Variants in ADAMTS9 observed in about 807,000 individuals in gnomAD.
ADAMTS9 encodes ADAM metallopeptidase with thrombospondin type 1 motif 9.
In ADAMTS9, 107 loss-of-function variants were observed where a neutral mutation model predicts 257.1. The ratio of observed to expected loss-of-function variants is 0.42; its 90% confidence interval spans 0.36 to 0.49. The LOEUF (loss-of-function observed/expected upper bound fraction) is 0.49. Ranked by LOEUF, ADAMTS9 falls within the 20% of genes least tolerant of loss-of-function variation. ADAMTS9 has a pLI of 0.03. For missense variants in ADAMTS9, 2,353 were observed against 2,469.1 expected, an observed-to-expected ratio of 0.95 and a Z score of 1.00; for synonymous variants, 982 against 880.9, an observed-to-expected ratio of 1.11 and a Z score of -2.03.
At position 64,546,927 on chromosome 3, in the gene ADAMTS9, T is replaced by C; in HGVS notation, c.4895A>G (p.Tyr1632Cys). ...GCTGCACGAGACAAGCCTTTGTTTG[T>C]AGCCTTTTCCACAGGTCACTGAGCA... ...SECSVTCGKG[Y>C]KQRLVSCSEI... The change falls in exon 32 of 40, where the codon TAC becomes TGC. Residue 1632 changes from tyrosine to cysteine, a missense_variant. Transcript: ENST00000498707. 6.2e-7 allele frequency: 1 copy of C among 1,611,776 alleles called. No homozygotes were observed. The highest frequency in any genetic ancestry group is 1.7e-4 in the Middle Eastern group (1 of 6,036).
chr3:64,647,420 C>G (rs1407457842), intron 11 of ADAMTS9, among the ~76,000 whole-genome samples: 1 of 152,130 alleles, frequency 6.6e-6, no homozygotes, highest in African/African-American at 2.4e-5. Flanking sequence ...CAATTATAAC[C>G]AGCTCACGAG....
chr3:64,542,568 C>G (rs1024265156), intron 32 of ADAMTS9, among the ~76,000 whole-genome samples: 1 of 151,958 alleles, frequency 6.6e-6, no homozygotes, highest in Non-Finnish European at 1.5e-5. Flanking sequence ...TCTGGGACTA[C>G]AGGCACGCAC....
intron 30 of ADAMTS9, among the ~76,000 whole-genome samples, chr3:64,557,847 G>A (rs76480720): frequency 0.024 from 3,715 of 152,264 alleles, 238 homozygotes; most frequent in East Asian, 0.21. Context: ...ATGAGATGTG[G>A]ATGTGTGGAT....
chr3:64,562,257 C>T (rs1426489603), intron 29 of ADAMTS9, among the ~76,000 whole-genome samples: 1 of 152,182 alleles, frequency 6.6e-6, no homozygotes, highest in Non-Finnish European at 1.5e-5. Context: ...TCTTCCTTTT[C>T]TTGCTCCTAT....
intron 28 of ADAMTS9, chr3:64,583,803 T>C (rs2084068852): frequency 6.6e-6 from 1 of 152,162 alleles, no homozygotes; most frequent in Non-Finnish European, 1.5e-5. Flanking sequence ...ATGGGAGTTG[T>C]AAAGGGCCTG....
At chr3:64,528,499 C>G (rs1238834297) in intron 38 of ADAMTS9, among the ~76,000 whole-genome samples, 1 of 152,104 alleles carries the variant, frequency 6.6e-6, no homozygotes, top group African/African-American at 2.4e-5. Flanking sequence ...TGAGCTGGTG[C>G]AGCTAAAACA....
At chr3:64,595,049 CAA>C (rs2084339163) in intron 27 of ADAMTS9, among the ~76,000 whole-genome samples, 1 of 151,160 alleles carries the variant, frequency 6.6e-6, no homozygotes, top group Non-Finnish European at 1.5e-5. Flanking sequence ...GGCCTCCCAA[CAA>C]AGATTCTTTG....
At position 64,540,955 on chromosome 3, in the gene ADAMTS9, G is replaced by A. The variant is rs977311266; in HGVS notation, c.5521+140C>T. ...CCTCGCTGCACTGTAAGCTCCCAAT[G>A]TTCTTCCTCTCCATACTAGCCAATG... On this transcript the variant is annotated intron_variant, in intron 36 of 39. Coordinates refer to ENST00000498707, the MANE Select transcript of ADAMTS9 (RefSeq NM_182920.2). The A allele has an allele frequency of 4.8e-6, 6 of 1,239,694 alleles. No individual in the cohort carries two copies. The East Asian group carries it at 1.5e-4, about 30-fold the overall frequency. 76.8% of individuals were successfully genotyped at this position (1,239,694 alleles called of 1,614,324 possible). A position where few individuals can be genotyped will look rare whatever the true frequency, so the allele number is the denominator to read the frequency against.
At chr3:64,615,245 G>A in intron 21 of ADAMTS9, 76 bp downstream of exon 21, 1 of 1,528,346 alleles carries the variant, frequency 6.5e-7, no homozygotes, top group Non-Finnish European at 8.9e-7. Context: ...ACAAGGGTTT[G>A]TCTTAAACAG....
At chr3:64,528,331 C>A (rs759666374) in intron 38 of ADAMTS9, among the ~76,000 whole-genome samples, 4 of 152,114 alleles carry the variant, frequency 2.6e-5, no homozygotes, top group Non-Finnish European at 4.4e-5. Flanking sequence ...CATTCCCACA[C>A]GTTGGAGAGT....
intron 28 of ADAMTS9, among the ~76,000 whole-genome samples, chr3:64,586,083 T>C (rs985606403): frequency 5.3e-5 from 8 of 151,976 alleles, no homozygotes; most frequent in Admixed American, 2.0e-4. Flanking sequence ...ATTCAGAAAA[T>C]CCTAAATTCA....
chr3:64,669,709 C>T (rs1701439015), intron 3 of ADAMTS9, among the ~76,000 whole-genome samples: 1 of 152,106 alleles, frequency 6.6e-6, no homozygotes, highest in Non-Finnish European at 1.5e-5. Flanking sequence ...AGCAGGGTGG[C>T]AGGGTAGAAT....
At chr3:64,592,810 T>C (rs934544151) in intron 28 of ADAMTS9, 1 of 152,052 alleles carries the variant, frequency 6.6e-6, no homozygotes, top group African/African-American at 2.4e-5. Context: ...GAACTACGAC[T>C]TTGTGGACAG....
At chr3:64,608,106 A>C (rs2084590900) in intron 22 of ADAMTS9, among the ~76,000 whole-genome samples, 1 of 151,918 alleles carries the variant, frequency 6.6e-6, no homozygotes, top group African/African-American at 2.4e-5. Flanking sequence ...ATATAAGAAA[A>C]TTTGTGAGAT....
At chr3:64,550,284 A>C (rs1331214993) in intron 31 of ADAMTS9, 1 of 152,228 alleles carries the variant, frequency 6.6e-6, no homozygotes, top group East Asian at 1.9e-4. Flanking sequence ...CTGTTTGTTA[A>C]ACAGGCACAA....
At chr3:64,547,377 G>A (rs149592170) in intron 31 of ADAMTS9, among the ~76,000 whole-genome samples, 2,008 of 152,010 alleles carry the variant, frequency 0.013, 30 homozygotes, top group African/African-American at 0.023. Flanking sequence ...CCCGTGAGTC[G>A]GCATTTTGAG....
At chr3:64,536,531 T>C (rs1484179132) in intron 37 of ADAMTS9, among the ~76,000 whole-genome samples, 1 of 152,198 alleles carries the variant, frequency 6.6e-6, no homozygotes, top group African/African-American at 2.4e-5. Flanking sequence ...AAATCTTGCC[T>C]GAAAACAGAA....
intron 28 of ADAMTS9, chr3:64,583,057 G>C (rs1028843011): frequency 6.6e-6 from 1 of 152,182 alleles, no homozygotes; most frequent in African/African-American, 2.4e-5. Context: ...ATCAGACAAT[G>C]CTAACATTAT....
chr3:64,667,381 C>A (rs756802777), intron 3 of ADAMTS9, among the ~76,000 whole-genome samples: 8 of 152,144 alleles, frequency 5.3e-5, no homozygotes, highest in African/African-American at 1.7e-4. Context: ...GGGATCTTTG[C>A]CAAGTTAAGA....
Sources: allele counts gnomAD v4.1 joint callset (sites outside exome capture counted in the v4.1 genomes callset), GRCh38; gene constraint gnomAD v4.1.1; transcripts MANE v1.5; gene names NCBI Gene and HGNC (gene_info 2026-07-23, HGNC 2026-07-21).